NBEA: variants seen among roughly 807,000 people sequenced by gnomAD.
The protein encoded by NBEA is neurobeachin.
NBEA carries 44 observed loss-of-function variants against 343.4 expected under a neutral mutation model. The observed-to-expected ratio is 0.13, with a 90% CI of 0.10 to 0.16. The LOEUF is 0.16. NBEA is among the 10% of genes least tolerant of loss of function. The probability of loss-of-function intolerance (pLI) is 1.00; values close to 1 mark genes in which losing one functional copy is unlikely to be tolerated. For synonymous variants in NBEA, 1,175 were observed against 1,238.7 expected (o/e 0.95, Z 1.08); for missense variants, 2,555 against 3,631.3 (o/e 0.70, Z 7.62).
At chr13:35,501,253 G>T (rs1315932103) in intron 41 of NBEA, among the ~76,000 whole-genome samples, 4 of 152,010 alleles carry the variant, frequency 2.6e-5, no homozygotes, top group African/African-American at 9.7e-5. Context: ...TGTACAATAT[G>T]GTTTAAAACT....
At chr13:35,101,571 G>A (rs2065648283) in intron 11 of NBEA, among the ~76,000 whole-genome samples, 1 of 151,522 alleles carries the variant, frequency 6.6e-6, no homozygotes, top group Non-Finnish European at 1.5e-5. Context: ...TTATTGATTT[G>A]TAGGAGTTTT....
intron 34 of NBEA, among the ~76,000 whole-genome samples, chr13:35,234,830 ACT>A (rs1394099263): frequency 6.6e-6 from 1 of 151,966 alleles, no homozygotes; most frequent in Admixed American, 6.6e-5. Flanking sequence ...GATACCTCAA[ACT>A]CTGTTTATCC....
chr13:35,372,309 G>C (rs994233065), intron 38 of NBEA, among the ~76,000 whole-genome samples: 1 of 152,178 alleles, frequency 6.6e-6, no homozygotes, highest in African/African-American at 2.4e-5. Context: ...TGGTATATTG[G>C]AATGGGTGCT....
intron 1 of NBEA, among the ~76,000 whole-genome samples, chr13:35,010,568 C>A (rs1490545396): frequency 5.1e-5 from 7 of 136,980 alleles, no homozygotes; most frequent in Non-Finnish European, 7.8e-5. Flanking sequence ...GCGATGGAGA[C>A]CCTGTCTCAA....
intron 47 of NBEA, among the ~76,000 whole-genome samples, chr13:35,599,206 C>T (rs1416669647): frequency 1.3e-5 from 2 of 152,154 alleles, no homozygotes; most frequent in African/African-American, 4.8e-5. Flanking sequence ...TGCCTGCTGC[C>T]TCATCGCAAG....
chr13:35,018,215 T>A (rs1432915527), intron 1 of NBEA, among the ~76,000 whole-genome samples: 2 of 152,104 alleles, frequency 1.3e-5, no homozygotes, highest in Non-Finnish European at 2.9e-5. Flanking sequence ...AGTCTCAAAT[T>A]TGTTTTGGCT....
intron 49 of NBEA, among the ~76,000 whole-genome samples, chr13:35,635,386 T>A (rs1489171140): frequency 6.6e-6 from 1 of 152,182 alleles, no homozygotes; most frequent in Non-Finnish European, 1.5e-5. Flanking sequence ...GGGCAGTTAT[T>A]CTGAGAAGTG....
At chr13:35,107,038 AT>A (rs1056554779) in intron 11 of NBEA, among the ~76,000 whole-genome samples, 50 of 152,008 alleles carry the variant, frequency 3.3e-4, no homozygotes, top group African/African-American at 1.2e-3. Context: ...TAAGAGTAGA[AT>A]GTATCAGATC....
intron 10 of NBEA, among the ~76,000 whole-genome samples, chr13:35,082,265 G>A (rs919208783): frequency 9.9e-5 from 15 of 152,080 alleles, no homozygotes; most frequent in Non-Finnish European, 2.2e-4. Context: ...TTTTATGGCT[G>A]TATAGTATTC....
intron 56 of NBEA, among the ~76,000 whole-genome samples, chr13:35,667,074 C>G (rs566765959): frequency 2.5e-4 from 38 of 152,280 alleles, no homozygotes; most frequent in African/African-American, 9.1e-4. Context: ...CACATAAAGT[C>G]TTTTATTGTC....
chr13:35,476,272 CGGAAGTG>C (rs1372226624), intron 41 of NBEA: 1 of 1,440,258 alleles, frequency 6.9e-7, no homozygotes, highest in Non-Finnish European at 9.6e-7. Context: ...AAATGCCTTT[CGGAAGTG>C]CTGCAGCGTT....
chr13:35,364,991 G>A (rs945577885), intron 38 of NBEA, among the ~76,000 whole-genome samples: 9 of 151,668 alleles, frequency 5.9e-5, no homozygotes, highest in Admixed American at 5.9e-4. Context: ...GGTCACATTG[G>A]TAAGAGTAAC....
chr13:34,963,667 G>A (rs891360643), intron 1 of NBEA, among the ~76,000 whole-genome samples: 13 of 151,614 alleles, frequency 8.6e-5, no homozygotes, highest in Non-Finnish European at 1.6e-4. Context: ...TTTTTACTTT[G>A]AATTATTTCA....
intron 8 of NBEA, among the ~76,000 whole-genome samples, chr13:35,069,101 A>G (rs2063766240): frequency 6.6e-6 from 1 of 152,204 alleles, no homozygotes; most frequent in African/African-American, 2.4e-5. Flanking sequence ...TTCACTATCG[A>G]AACATTGAAT....
intron 9 of NBEA, 123 bp from the exon 10 acceptor site, chr13:35,070,596 A>C: frequency 1.1e-6 from 1 of 885,158 alleles, no homozygotes; most frequent in Non-Finnish European, 1.6e-6. Context: ...TAAAAATTAT[A>C]ATTGAAGGCT....
At chr13:35,469,427 A>G (rs564664234) in intron 40 of NBEA, among the ~76,000 whole-genome samples, 2 of 152,188 alleles carry the variant, frequency 1.3e-5, no homozygotes, top group East Asian at 3.9e-4. Context: ...GGGAAGTAAT[A>G]CCCCTATACT....
chr13:35,391,130 C>T (rs943869674), intron 38 of NBEA, among the ~76,000 whole-genome samples: 2 of 152,010 alleles, frequency 1.3e-5, no homozygotes, highest in African/African-American at 4.8e-5. Context: ...TAAAAATTTG[C>T]TGGGCTTGAT....
intron 17 of NBEA, among the ~76,000 whole-genome samples, chr13:35,125,495 C>T (rs1271027442): frequency 6.6e-6 from 1 of 152,078 alleles, no homozygotes; most frequent in African/African-American, 2.4e-5. Context: ...AGATATATCA[C>T]AAAGAATTAC....
chr13:35,500,884 C>T (rs1383136789), intron 41 of NBEA, among the ~76,000 whole-genome samples: 3 of 152,034 alleles, frequency 2.0e-5, no homozygotes, highest in East Asian at 1.9e-4. Flanking sequence ...CGTAGAATAG[C>T]ATTTTGCTCC....
Sources: gnomAD v4.1 joint callset for allele counts (sites outside exome capture counted in the v4.1 genomes callset) on GRCh38, gnomAD v4.1.1 for gene constraint, MANE v1.5 for transcripts, NCBI Gene and HGNC (gene_info 2026-07-23, HGNC 2026-07-21) for gene names.